The following CREB3L2 variants were observed in gnomAD, a reference collection of about 807,000 sequenced individuals.
CREB3L2 encodes the protein cAMP responsive element binding protein 3 like 2.
A neutral mutation model predicts 57.2 loss-of-function variants in CREB3L2; 23 were observed. That is an observed-to-expected ratio of 0.40 (90% confidence interval 0.29 to 0.57). The LOEUF (loss-of-function observed/expected upper bound fraction) is 0.57. Ranked by LOEUF, CREB3L2 falls within the 20% of genes least tolerant of loss-of-function variation. The probability of loss-of-function intolerance (pLI) is 0.42; values close to 1 mark genes in which losing one functional copy is unlikely to be tolerated. For synonymous variants in CREB3L2, 268 were observed against 265.1 expected (o/e 1.01, Z -0.11); for missense variants, 628 against 634.7 (o/e 0.99, Z 0.11).
chr7:137,880,505 G>A lies in CREB3L2; in HGVS notation c.1534C>T (p.Leu512Phe), dbSNP rs1192114563. Reference protein sequence around the residue: ...EGNETLKVVELDRRVNTTF With the variant: ...EGNETLKVVEFDRRVNTTF ...AAAGTGGTGTTCACTCTTCTGTCGAGTTCTACAACTTTTAGTGTTTCATTC... is the reference window on the plus strand; with the variant it reads ...AAAGTGGTGTTCACTCTTCTGTCGAATTCTACAACTTTTAGTGTTTCATTC... Residue 512 changes from leucine (L) to phenylalanine (F), a missense_variant, in exon 12 of 12, where the codon CTC becomes TTC. This residue lies in a region of CREB3L2 where 272 missense variants were observed against 242.7 expected (regional missense o/e 1.12). Coordinates refer to ENST00000330387, the MANE Select transcript of CREB3L2 (RefSeq NM_194071.4). This position sits in a 1 kb window ranked among gnomAD's most constrained non-coding sequence, Gnocchi z 4.0. The A allele has an allele frequency of 6.2e-7, 1 of 1,613,900 alleles. No homozygotes were observed. Among genetic ancestry groups the A allele is most frequent in the Admixed American group, 1.7e-5 (1 of 60,002 alleles).
rs369713762 is a variant in CREB3L2 at position 138,001,620 on chromosome 7, G to A, written c.86C>T (p.Ala29Val). 7 of 1,612,966 alleles carry A rather than the reference G, an allele frequency of 4.3e-6. No homozygotes were observed. The African/African-American group carries it at 6.7e-5, about 15-fold the overall frequency. The part of the protein sequence containing the change: ...SELSEPGDGE[A>V]LMYHTHFSEL... ...GGTCCTCACCGTGTGGTACATGAGG[G>A]CCTCGCCGTCCCCGGGCTCTGACAG... Residue 29 changes from alanine (A) to valine (V), a missense_variant, in exon 1 of 12, where the codon GCC becomes GTC. Coordinates refer to ENST00000330387, the MANE Select transcript of CREB3L2 (RefSeq NM_194071.4). This position sits in a 1 kb window ranked among gnomAD's most constrained non-coding sequence, Gnocchi z 4.2.
chr7:137,889,806 A>G (rs1368041772), intron 8 of CREB3L2, among the ~76,000 whole-genome samples: 2 of 152,198 alleles, frequency 1.3e-5, no homozygotes, highest in Non-Finnish European at 2.9e-5. Flanking sequence ...ATAAAAAGAG[A>G]AAATGAACAA....
intron 8 of CREB3L2, among the ~76,000 whole-genome samples, chr7:137,886,543 G>A (rs961171047): frequency 3.3e-5 from 5 of 151,900 alleles, no homozygotes; most frequent in Non-Finnish European, 7.3e-5. Flanking sequence ...GCCACCTGCA[G>A]CTCAAGCCTG....
chr7:137,911,663 C>A (rs1563248982), intron 4 of CREB3L2, among the ~76,000 whole-genome samples: 2 of 152,106 alleles, frequency 1.3e-5, no homozygotes, highest in Admixed American at 6.5e-5. Flanking sequence ...CATGGTGAAA[C>A]CCTATCTCTA....
At chr7:137,992,898 C>G (rs541599563) in intron 1 of CREB3L2, among the ~76,000 whole-genome samples, 1 of 152,146 alleles carries the variant, frequency 6.6e-6, no homozygotes, top group Non-Finnish European at 1.5e-5. Flanking sequence ...TAGGACCCAG[C>G]GGGCAGAGGA....
chr7:137,909,505 A>C (rs2117210584), intron 4 of CREB3L2, among the ~76,000 whole-genome samples: 1 of 152,316 alleles, frequency 6.6e-6, no homozygotes, highest in African/African-American at 2.4e-5. Flanking sequence ...AAGGGAGATA[A>C]CTGCAGGTAA....
intron 2 of CREB3L2, among the ~76,000 whole-genome samples, chr7:137,919,175 CTT>C (rs370149890): frequency 2.5e-4 from 35 of 140,818 alleles, no homozygotes; most frequent in Admixed American, 2.2e-4. Flanking sequence ...TCAAAGATAT[CTT>C]TTTTTTTTTT....
chr7:137,894,344 T>A (rs528877215), intron 8 of CREB3L2, among the ~76,000 whole-genome samples: 1 of 152,310 alleles, frequency 6.6e-6, no homozygotes, highest in East Asian at 1.9e-4. Flanking sequence ...GCTCACTCTG[T>A]CTACTGAGCA....
chr7:137,911,331 T>C (rs1372015134), intron 4 of CREB3L2, among the ~76,000 whole-genome samples: 1 of 152,202 alleles, frequency 6.6e-6, no homozygotes, highest in Non-Finnish European at 1.5e-5. Context: ...TAAAGGCAAA[T>C]AAAGGGCCAG....
chr7:137,992,842 C>G (rs1801923561), intron 1 of CREB3L2, among the ~76,000 whole-genome samples: 2 of 152,164 alleles, frequency 1.3e-5, no homozygotes, highest in Admixed American at 1.3e-4. Flanking sequence ...CAGGTAAGGA[C>G]AGAGAAAAGA....
At chr7:137,896,553 G>A (rs1415497173) in intron 8 of CREB3L2, among the ~76,000 whole-genome samples, 1 of 152,110 alleles carries the variant, frequency 6.6e-6, no homozygotes, top group Non-Finnish European at 1.5e-5. Context: ...CACCAGCCAC[G>A]GCCTCCCAAA....
Position 138,001,510 on chromosome 7 carries a change from C to A in CREB3L2, c.102+94G>T. 1 of 911,062 alleles carries A rather than the reference C, an allele frequency of 1.1e-6. No homozygotes were observed. Among genetic ancestry groups the A allele is most frequent in the African/African-American group, 1.6e-5 (1 of 60,804 alleles). 56.4% of individuals were successfully genotyped at this position (911,062 alleles called of 1,614,324 possible). A position where few individuals can be genotyped will look rare whatever the true frequency, so the allele number is the denominator to read the frequency against. On this transcript the variant is annotated intron_variant, in intron 1 of 11. Coordinates refer to ENST00000330387, the MANE Select transcript of CREB3L2 (RefSeq NM_194071.4). This position sits in a 1 kb window ranked among gnomAD's most constrained non-coding sequence, Gnocchi z 4.2. ...ATTCTGACCATGCCCTGCCCCAAACCCTGCCTTCCCGGGTCCCAGGACTCC... is the reference window on the plus strand; with the variant it reads ...ATTCTGACCATGCCCTGCCCCAAACACTGCCTTCCCGGGTCCCAGGACTCC...
chr7:137,895,374 G>A (rs1799608291), intron 8 of CREB3L2, among the ~76,000 whole-genome samples: 5 of 152,160 alleles, frequency 3.3e-5, no homozygotes, highest in Non-Finnish European at 1.5e-5. Flanking sequence ...AGGAAGAAGG[G>A]CCCCCTGGGA....
chr7:137,916,860 C>T (rs1458742248), intron 2 of CREB3L2, among the ~76,000 whole-genome samples: 1 of 152,068 alleles, frequency 6.6e-6, no homozygotes, highest in Admixed American at 6.6e-5. Context: ...TGGTTGGTAA[C>T]CAACGGGAGA....
chr7:137,966,925 C>T (rs1217026857), intron 1 of CREB3L2, among the ~76,000 whole-genome samples: 1 of 152,158 alleles, frequency 6.6e-6, no homozygotes, highest in South Asian at 2.1e-4. Context: ...TATATTGAAT[C>T]CCTAACCCCC....
intron 1 of CREB3L2, among the ~76,000 whole-genome samples, chr7:137,935,079 C>T (rs1459166350): frequency 6.6e-6 from 1 of 152,170 alleles, no homozygotes; most frequent in Non-Finnish European, 1.5e-5. Flanking sequence ...AGTCAGTCAG[C>T]CCTAAATTTG....
At chr7:138,000,500 G>C (rs1802055884) in intron 1 of CREB3L2, among the ~76,000 whole-genome samples, 1 of 152,118 alleles carries the variant, frequency 6.6e-6, no homozygotes, top group Non-Finnish European at 1.5e-5. Context: ...TACTTCGGTG[G>C]GAATCAGCAG....
intron 8 of CREB3L2, among the ~76,000 whole-genome samples, chr7:137,887,875 G>A (rs1799457179): frequency 6.6e-6 from 1 of 151,992 alleles, no homozygotes; most frequent in Admixed American, 6.5e-5. Flanking sequence ...GTACATTTTT[G>A]TTTCTGTTTA....
chr7:137,972,698 A>ATATAAAC (rs772015841), intron 1 of CREB3L2, among the ~76,000 whole-genome samples: 1 of 49,736 alleles, frequency 2.0e-5, no homozygotes, highest in African/African-American at 1.1e-4. Flanking sequence ...AAAAAAAAAA[A>ATATAAAC]AAAAAAAAAA....
Sources: allele counts gnomAD v4.1 joint callset (sites outside exome capture counted in the v4.1 genomes callset), GRCh38; gene constraint gnomAD v4.1.1; regional missense constraint gnomAD v4.1.1; non-coding constraint Gnocchi (gnomAD v3.1); transcripts MANE v1.5; gene names NCBI Gene and HGNC (gene_info 2026-07-23, HGNC 2026-07-21).